MACROD2: variants seen among roughly 807,000 people sequenced by gnomAD.
The protein encoded by MACROD2 is ADP-ribose glycohydrolase MACROD2.
Under a neutral mutation model 70.4 loss-of-function variants are expected in MACROD2, and 36 were observed. The ratio of observed to expected loss-of-function variants is 0.51; its 90% CI spans 0.39 to 0.68. The LOEUF is 0.68. Among genes scored for constraint, MACROD2 ranks in the 30% least tolerant of loss-of-function variants. The pLI is 0.00. For synonymous variants in MACROD2, 172 were observed against 178.8 expected (o/e 0.96, Z 0.30); for missense variants, 496 against 538.4 (o/e 0.92, Z 0.78).
chr20:14,366,677 C>G lies in MACROD2; in HGVS notation c.272-126802C>G, dbSNP rs2122734184. ...ACCACACCCGGCCAACAATTTTTGACTTAAAGTCTATTTTATCTGATTTTA... is the reference window on the plus strand; with the variant it reads ...ACCACACCCGGCCAACAATTTTTGAGTTAAAGTCTATTTTATCTGATTTTA... On this transcript the variant is annotated intron_variant, in intron 3 of 17. Coordinates refer to ENST00000684519, the MANE Select transcript of MACROD2 (RefSeq NM_001351661.2). 1.3e-5 allele frequency among the ~76,000 whole-genome samples: 2 copies of G among 152,176 alleles called. 1 individual carries two copies. The highest frequency in any genetic ancestry group is 4.1e-4 in the South Asian group (2 of 4,824).
intron 3 of MACROD2, among the ~76,000 whole-genome samples, chr20:14,086,830 T>G (rs1405169167): frequency 6.6e-6 from 1 of 152,190 alleles, no homozygotes; most frequent in African/African-American, 2.4e-5. Flanking sequence ...TCTGTCAGTT[T>G]TATCTAGTAA....
intron 5 of MACROD2, among the ~76,000 whole-genome samples, chr20:15,213,424 A>T (rs2076780944): frequency 6.7e-6 from 1 of 149,662 alleles, no homozygotes; most frequent in South Asian, 2.1e-4. Context: ...AGGAGGGACC[A>T]TTTTTTTTTT....
At chr20:16,023,098 G>A (rs2067026051) in intron 15 of MACROD2, among the ~76,000 whole-genome samples, 1 of 152,124 alleles carries the variant, frequency 6.6e-6, no homozygotes, top group South Asian at 2.1e-4. Flanking sequence ...ATGTCACTGA[G>A]AAGGAAAATA....
At chr20:15,270,954 A>G (rs2077341058) in intron 6 of MACROD2, among the ~76,000 whole-genome samples, 1 of 152,014 alleles carries the variant, frequency 6.6e-6, no homozygotes. Flanking sequence ...AAATTATTTC[A>G]CTACTGTGTC....
At chr20:15,762,835 C>A (rs939085194) in intron 8 of MACROD2, among the ~76,000 whole-genome samples, 1 of 152,170 alleles carries the variant, frequency 6.6e-6, no homozygotes, top group Non-Finnish European at 1.5e-5. Context: ...TTGCTTGTTA[C>A]AATTACTGTA....
chr20:14,327,475 A>T, intron 3 of MACROD2: 1 of 1,613,200 alleles, frequency 6.2e-7, no homozygotes, highest in Non-Finnish European at 8.5e-7. Flanking sequence ...TTTAGTCCCG[A>T]TGAGGAAGAT....
intron 5 of MACROD2, among the ~76,000 whole-genome samples, chr20:14,788,092 C>G (rs1026670329): frequency 6.6e-6 from 1 of 152,074 alleles, no homozygotes; most frequent in South Asian, 2.1e-4. Flanking sequence ...AAAAATAAAG[C>G]AAATTTGTAC....
At chr20:14,399,074 C>T (rs1483917964) in intron 3 of MACROD2, among the ~76,000 whole-genome samples, 1 of 148,604 alleles carries the variant, frequency 6.7e-6, no homozygotes, top group Non-Finnish European at 1.5e-5. Context: ...GGCTGGAGTG[C>T]AGTGGCACGA....
chr20:15,319,257 A>T (rs1600236783), intron 6 of MACROD2, among the ~76,000 whole-genome samples: 1 of 152,204 alleles, frequency 6.6e-6, no homozygotes, highest in African/African-American at 2.4e-5. Flanking sequence ...TTAAATAATA[A>T]ATGAATTGTA....
intron 2 of MACROD2, among the ~76,000 whole-genome samples, chr20:14,081,575 T>C (rs1002366893): frequency 6.6e-6 from 1 of 152,200 alleles, no homozygotes; most frequent in African/African-American, 2.4e-5. Flanking sequence ...ATGAGGGCGA[T>C]ATACTTGGCA....
intron 2 of MACROD2, among the ~76,000 whole-genome samples, chr20:14,051,481 C>T (rs554751233): frequency 6.6e-6 from 1 of 152,144 alleles, no homozygotes; most frequent in Non-Finnish European, 1.5e-5. Context: ...TCTGAACCTT[C>T]CCTTTTACCC....
At chr20:14,886,073 C>G (rs2073671535) in intron 5 of MACROD2, among the ~76,000 whole-genome samples, 1 of 152,052 alleles carries the variant, frequency 6.6e-6, no homozygotes, top group Non-Finnish European at 1.5e-5. Flanking sequence ...AACAGCTGAG[C>G]ACAAATAAAT....
intron 5 of MACROD2, among the ~76,000 whole-genome samples, chr20:14,709,717 A>T (rs1314083440): frequency 6.6e-6 from 1 of 152,230 alleles, no homozygotes; most frequent in African/African-American, 2.4e-5. Flanking sequence ...GTAAAGGTTA[A>T]CTTACATACA....
intron 5 of MACROD2, among the ~76,000 whole-genome samples, chr20:15,112,550 G>T (rs995213178): frequency 5.9e-5 from 9 of 151,948 alleles, no homozygotes; most frequent in African/African-American, 1.9e-4. Context: ...CAGTGAGATC[G>T]TACAACTAAG....
chr20:14,924,692 A>T lies in MACROD2; in HGVS notation c.418+239733A>T, dbSNP rs139524010. ...GTGGGAAACAGGGAGACTCAAGCAA[A>T]TATCCTGTTGGTGTTGTCTCTTTAT... On this transcript the variant is annotated intron_variant, in intron 5 of 17. Coordinates refer to ENST00000684519, the MANE Select transcript of MACROD2 (RefSeq NM_001351661.2). 3.0e-3 allele frequency among the ~76,000 whole-genome samples: 454 copies of T among 152,230 alleles called. 2 individuals carry two copies. The highest frequency in any genetic ancestry group is 0.011 in the African/African-American group (437 of 41,546).
At chr20:15,230,203 C>A in intron 6 of MACROD2, 142 bp downstream of exon 6, 1 of 689,698 alleles carries the variant, frequency 1.4e-6, no homozygotes, top group Non-Finnish European at 2.2e-6. Context: ...ATTTGGTTAT[C>A]ATGACTCTAA....
intron 5 of MACROD2, among the ~76,000 whole-genome samples, chr20:15,189,624 G>A (rs1365923366): frequency 6.6e-6 from 1 of 152,118 alleles, no homozygotes; most frequent in Non-Finnish European, 1.5e-5. Flanking sequence ...CTCCCTGGCT[G>A]CACTTCGGTC....
chr20:15,471,951 A>G (rs1341915345), intron 7 of MACROD2, among the ~76,000 whole-genome samples: 2 of 152,152 alleles, frequency 1.3e-5, no homozygotes, highest in South Asian at 2.1e-4. Context: ...GCAAAAAACT[A>G]CTTTTCTTGA....
chr20:15,264,777 C>T (rs1265022347), intron 6 of MACROD2, among the ~76,000 whole-genome samples: 1 of 152,062 alleles, frequency 6.6e-6, no homozygotes, highest in African/African-American at 2.4e-5. Context: ...TCTCATTCCT[C>T]CTGGAGGAAT....
Sources: gnomAD v4.1 joint callset for allele counts (sites outside exome capture counted in the v4.1 genomes callset) on GRCh38, gnomAD v4.1.1 for gene constraint, MANE v1.5 for transcripts, NCBI Gene and HGNC (gene_info 2026-07-23, HGNC 2026-07-21) for gene names.